PIK3AP1: variants seen among roughly 807,000 people sequenced by gnomAD.
PIK3AP1 encodes the protein phosphoinositide 3-kinase adapter protein 1.
Under a neutral mutation model 88.1 loss-of-function variants are expected in PIK3AP1, and 21 were observed. The observed-to-expected ratio is 0.24, with a 90% confidence interval of 0.17 to 0.34. The LOEUF (loss-of-function observed/expected upper bound fraction) is 0.34, where lower values mean the gene tolerates loss of function less well. Among genes scored for constraint, PIK3AP1 ranks in the 10% least tolerant of loss-of-function variants. PIK3AP1 has a pLI of 1.00. For missense variants in PIK3AP1, 828 were observed against 1,035.7 expected (o/e 0.80, Z 2.75); for synonymous variants, 398 against 400.0 (o/e 1.00, Z 0.06).
At chr10:96,615,014 T>TA (rs148672436) in intron 13 of PIK3AP1, among the ~76,000 whole-genome samples, 143 of 151,976 alleles carry the variant, frequency 9.4e-4, no homozygotes, top group Non-Finnish European at 1.7e-3. Flanking sequence ...CGTGGAGGGC[T>TA]ACTCTGGAGA....
intron 13 of PIK3AP1, among the ~76,000 whole-genome samples, chr10:96,613,716 C>A (rs960954518): frequency 7.9e-5 from 12 of 152,062 alleles, no homozygotes; most frequent in Admixed American, 7.9e-4. Context: ...CTTGGGTGAA[C>A]CTTGCATAAT....
rs1564960833 is a variant in PIK3AP1 at position 96,628,379 on chromosome 10, G to A, written c.1471+19C>T. 1.3e-6 allele frequency: 2 copies of A among 1,564,866 alleles called. No individual in the cohort carries two copies. Among genetic ancestry groups the A allele is most frequent in the Admixed American group, 1.7e-5 (1 of 59,930 alleles). ...TCTCTTTTGCTCTTTTGGCTTCCCTGCTCATGGCTATGACTTACCTTCTAA... is the reference window on the plus strand; with the variant it reads ...TCTCTTTTGCTCTTTTGGCTTCCCTACTCATGGCTATGACTTACCTTCTAA... On this transcript the variant is annotated intron_variant, in intron 9 of 16. Transcript: ENST00000339364.
intron 8 of PIK3AP1, among the ~76,000 whole-genome samples, chr10:96,637,437 C>A (rs2134219159): frequency 6.6e-6 from 1 of 152,134 alleles, no homozygotes; most frequent in East Asian, 1.9e-4. Context: ...AATCACGGCC[C>A]ACTGCAGCCT....
rs111816195 is a variant in PIK3AP1, at chr10:96,720,217, T to C, written c.13+165A>G. On this transcript the variant is annotated intron_variant, in intron 1 of 16. Transcript: ENST00000339364. The surrounding 1 kb of genome is among the most constrained non-coding windows in gnomAD (Gnocchi z 4.6). ...GGCTGGGACGGGAAACGTGGGAAAG[T>C]TGGAGTGGGAAGTTTGCGACAGGGA... Among the ~76,000 whole-genome samples, 424 of 151,546 alleles carry C rather than the reference T, an allele frequency of 2.8e-3. No individual in the cohort carries two copies. Among genetic ancestry groups the C allele is most frequent in the Middle Eastern group, 0.014 (4 of 294 alleles).
chr10:96,641,961 A>C (rs1843395013), intron 8 of PIK3AP1, among the ~76,000 whole-genome samples: 1 of 152,238 alleles, frequency 6.6e-6, no homozygotes, highest in Non-Finnish European at 1.5e-5. Flanking sequence ...TGTCACCTAC[A>C]GAGCCACTGT....
At position 96,652,749 on chromosome 10, in the gene PIK3AP1, T is replaced by G; in HGVS notation, c.661A>C (p.Arg221=). 6.2e-7 allele frequency: 1 copy of G among 1,614,172 alleles called. No individual in the cohort carries two copies. The highest frequency in any genetic ancestry group is 1.3e-5 in the African/African-American group (1 of 75,060). The change falls in exon 4 of 17, where the codon AGG becomes CGG. Residue 221 remains arginine (R), a synonymous_variant. Coordinates refer to ENST00000339364, the MANE Select transcript of PIK3AP1 (RefSeq NM_152309.3). ...EFSPEDSPSV[R]MEAKVENEYT... ...TCATTCTCCACCTTGGCTTCCATCC[T>G]TACAGAGGGAGAATCCTCAGGAGAA...
At chr10:96,685,539 A>G (rs1009014140) in intron 2 of PIK3AP1, among the ~76,000 whole-genome samples, 1 of 152,160 alleles carries the variant, frequency 6.6e-6, no homozygotes, top group African/African-American at 2.4e-5. Context: ...GTCTCCATTC[A>G]CCATCTCAGT....
rs1210426100 is a variant in PIK3AP1, at chr10:96,689,408, CA to C, written c.430+20158del. Among the ~76,000 whole-genome samples, 204 of 139,152 alleles carry C rather than the reference CA, an allele frequency of 1.5e-3. 1 individual carries two copies. Among genetic ancestry groups the C allele is most frequent in the East Asian group, 1.6e-3 (8 of 4,864 alleles). The allele number at this position is 139,152 out of a possible 152,430, so 91.3% of individuals were successfully genotyped here. On this transcript the variant is annotated intron_variant, in intron 2 of 16. Transcript: ENST00000339364. ...TGAAACCCCGTCTCTACTAAAAATA[CA>C]AAAAAAAAAAATTAGCTGGGCGTGG...
intron 1 of PIK3AP1, among the ~76,000 whole-genome samples, chr10:96,712,754 T>C (rs1207788569): frequency 6.6e-6 from 1 of 152,252 alleles, no homozygotes; most frequent in Non-Finnish European, 1.5e-5. Flanking sequence ...GTAGGACAGG[T>C]GCAAGACTTT....
At chr10:96,652,939 C>T in intron 3 of PIK3AP1, 97 bp from the exon 4 acceptor site, 1 of 1,380,806 alleles carries the variant, frequency 7.2e-7, no homozygotes, top group South Asian at 1.3e-5. Flanking sequence ...CTAGCTCTAC[C>T]TAGTGAGAAT....
intron 2 of PIK3AP1, among the ~76,000 whole-genome samples, chr10:96,679,477 G>A (rs542933975): frequency 2.6e-5 from 4 of 151,826 alleles, no homozygotes; most frequent in Non-Finnish European, 5.9e-5. Context: ...GCAGTAAGCC[G>A]AGATCTCGCT....
intron 14 of PIK3AP1, among the ~76,000 whole-genome samples, chr10:96,608,418 G>A (rs1001285513): frequency 6.6e-6 from 1 of 152,220 alleles, no homozygotes; most frequent in African/African-American, 2.4e-5. Flanking sequence ...TTATGTAAGA[G>A]GAAGTTTTCT....
intron 14 of PIK3AP1, among the ~76,000 whole-genome samples, chr10:96,605,650 A>T (rs1487716110): frequency 1.3e-5 from 2 of 152,238 alleles, no homozygotes; most frequent in African/African-American, 4.8e-5. Context: ...TTCTGGTATC[A>T]ACTTTGACCG....
chr10:96,709,754 C>T lies in PIK3AP1; in HGVS notation c.243G>A (p.Lys81=), dbSNP rs1396275904. 1 of 1,613,940 alleles carries T rather than the reference C, an allele frequency of 6.2e-7. No individual in the cohort carries two copies. Among genetic ancestry groups the T allele is most frequent in the South Asian group, 1.1e-5 (1 of 91,022 alleles). ...TCTGCAGCAGGGGCAGCAAGGCGGG[C>T]TTGTGGAAGTGCTGCACCAGCTCCG... The part of the protein sequence containing the change: ...LSAELVQHFH[K]PALLPLLQRA... Residue 81 remains lysine (K), a synonymous_variant, in exon 2 of 17, where the codon AAG becomes AAA. Transcript: ENST00000339364.
At chr10:96,604,244 C>T (rs987010745) in intron 14 of PIK3AP1, among the ~76,000 whole-genome samples, 195 bp from the exon 15 acceptor site, 1 of 151,862 alleles carries the variant, frequency 6.6e-6, no homozygotes, top group African/African-American at 2.4e-5. Context: ...GTGGCATGAT[C>T]ACAGCTCATG....
At chr10:96,704,325 T>C (rs1844335568) in intron 2 of PIK3AP1, among the ~76,000 whole-genome samples, 1 of 152,184 alleles carries the variant, frequency 6.6e-6, no homozygotes, top group South Asian at 2.1e-4. Flanking sequence ...CAGAGGTACA[T>C]GACCATTGAC....
At chr10:96,628,225 G>A (rs762190629) in intron 9 of PIK3AP1, among the ~76,000 whole-genome samples, 173 bp downstream of exon 9, 16 of 152,182 alleles carry the variant, frequency 1.1e-4, no homozygotes, top group Non-Finnish European at 2.2e-4. Context: ...AGGGCTGACG[G>A]GGGAGCTCAG....
At chr10:96,627,834 C>T (rs1359436977) in intron 9 of PIK3AP1, among the ~76,000 whole-genome samples, 3 of 152,180 alleles carry the variant, frequency 2.0e-5, no homozygotes, top group Non-Finnish European at 4.4e-5. Context: ...ATTATCACAA[C>T]ATTTATCTCA....
At position 96,711,556 on chromosome 10, in the gene PIK3AP1, T is replaced by C. The variant is rs113853705; in HGVS notation, c.14-1573A>G. 6.6e-4 allele frequency among the ~76,000 whole-genome samples: 100 copies of C among 152,268 alleles called. 1 individual carries two copies. The highest frequency in any genetic ancestry group is 2.3e-3 in the African/African-American group (96 of 41,546). On this transcript the variant is annotated intron_variant, in intron 1 of 16. Transcript: ENST00000339364. The stretch of plus-strand genomic sequence containing the variant: ...AACGCTAGGCCTGGGCCGCATTTCA[T>C]TGATGCTTCCTGTTGAAAAGGACAG...
Sources: gnomAD v4.1 joint callset for allele counts (sites outside exome capture counted in the v4.1 genomes callset) on GRCh38, gnomAD v4.1.1 for gene constraint, Gnocchi (gnomAD v3.1) non-coding constraint, MANE v1.5 for transcripts, NCBI Gene and HGNC (gene_info 2026-07-23, HGNC 2026-07-21) for gene names.